ADRA1B: variants seen among roughly 807,000 people sequenced by gnomAD.
ADRA1B encodes adrenoceptor alpha 1B, also known as alpha-1B adrenergic receptor.
ADRA1B carries 17 observed loss-of-function variants against 17.9 expected under a neutral mutation model. That is an observed-to-expected ratio of 0.95 (90% CI 0.65 to 1.42). The LOEUF is 1.42. Among genes scored for constraint, ADRA1B ranks in the 40% most tolerant of loss-of-function variants. The pLI is 0.00. For synonymous variants in ADRA1B, 366 were observed against 327.6 expected, an observed-to-expected ratio of 1.12 and a Z score of -1.27; for missense variants, 681 against 722.1, an observed-to-expected ratio of 0.94 and a Z score of 0.65.
chr5:159,939,320 T>TGCGCGCGCGC (rs1170671488), intron 1 of ADRA1B, among the ~76,000 whole-genome samples: 24 of 108,168 alleles, frequency 2.2e-4, no homozygotes, highest in East Asian at 8.5e-4. Flanking sequence ...TGTGTGTGTG[T>TGCGCGCGCGC]GTGCGCGCGC....
chr5:159,887,505 C>T (rs1753938219), intron 1 of ADRA1B, among the ~76,000 whole-genome samples: 1 of 152,172 alleles, frequency 6.6e-6, no homozygotes, highest in Non-Finnish European at 1.5e-5. Flanking sequence ...TGTGGTGTGG[C>T]TATCCAGTTG....
At chr5:159,929,552 A>G (rs1754745027) in intron 1 of ADRA1B, among the ~76,000 whole-genome samples, 2 of 151,706 alleles carry the variant, frequency 1.3e-5, no homozygotes, top group South Asian at 4.2e-4. Flanking sequence ...ACAAAGATGT[A>G]CTTCAGGATA....
chr5:159,893,844 C>G (rs887007044), intron 1 of ADRA1B, among the ~76,000 whole-genome samples: 1 of 152,134 alleles, frequency 6.6e-6, no homozygotes, highest in African/African-American at 2.4e-5. Context: ...GCAAGTTTTT[C>G]CCACAGTTCA....
chr5:159,969,518 ACT>A (rs1345431263), intron 1 of ADRA1B, among the ~76,000 whole-genome samples: 5 of 152,178 alleles, frequency 3.3e-5, no homozygotes, highest in African/African-American at 9.7e-5. Flanking sequence ...ATTTCCAGCT[ACT>A]CTCTAGGTCT....
At chr5:159,947,872 A>G in intron 1 of ADRA1B, 1 of 985,450 alleles carries the variant, frequency 1.0e-6, no homozygotes. Flanking sequence ...ACAAAAATTT[A>G]GCTTAACCAC....
At chr5:159,939,361 G>A (rs982162714) in intron 1 of ADRA1B, among the ~76,000 whole-genome samples, 1 of 150,496 alleles carries the variant, frequency 6.6e-6, no homozygotes, top group Non-Finnish European at 1.5e-5. Context: ...GGATAGTTCA[G>A]CCCAAGGTAA....
At chr5:159,899,055 T>C (rs1164103501) in intron 1 of ADRA1B, among the ~76,000 whole-genome samples, 7 of 151,666 alleles carry the variant, frequency 4.6e-5, no homozygotes, top group Non-Finnish European at 1.5e-5. Flanking sequence ...GCTGAAGCAG[T>C]AAGATTGCTT....
chr5:159,974,374 G>A (rs1222066010), downstream of ADRA1B, among the ~76,000 whole-genome samples: 1 of 152,194 alleles, frequency 6.6e-6, no homozygotes, highest in Non-Finnish European at 1.5e-5. Flanking sequence ...AGTGGCTCAC[G>A]CCTGTATCCC....
intron 1 of ADRA1B, among the ~76,000 whole-genome samples, chr5:159,942,482 A>G (rs1467343426): frequency 6.6e-6 from 1 of 152,226 alleles, no homozygotes; most frequent in East Asian, 1.9e-4. Flanking sequence ...TACAGCAGTT[A>G]GAAGGAATGA....
intron 1 of ADRA1B, among the ~76,000 whole-genome samples, chr5:159,968,948 G>A (rs1188359964): frequency 1.3e-5 from 2 of 152,272 alleles, no homozygotes; most frequent in South Asian, 2.1e-4. Flanking sequence ...CAGACTCAGT[G>A]ACAGAAATAA....
At chr5:159,908,843 GCGCTC>G (rs1554088732) in intron 1 of ADRA1B, among the ~76,000 whole-genome samples, 1 of 152,182 alleles carries the variant, frequency 6.6e-6, no homozygotes, top group Non-Finnish European at 1.5e-5. Context: ...TAAGTGGGTA[GCGCTC>G]CAAAGGGCAG....
chr5:159,874,291 T>C (rs1278283540), intron 1 of ADRA1B, among the ~76,000 whole-genome samples: 1 of 152,154 alleles, frequency 6.6e-6, no homozygotes, highest in East Asian at 1.9e-4. Context: ...ACCACCAACA[T>C]ACACATATTT....
intron 1 of ADRA1B, among the ~76,000 whole-genome samples, chr5:159,942,352 T>G (rs1755158697): frequency 6.6e-6 from 1 of 152,204 alleles, no homozygotes. Context: ...GTATGGGAAT[T>G]ATATAGCTCA....
intron 1 of ADRA1B, chr5:159,865,286 T>G (rs758049648): frequency 6.6e-6 from 1 of 152,266 alleles, no homozygotes; most frequent in East Asian, 1.9e-4. Context: ...TAAGTTTGGC[T>G]CAATCACTTG....
intron 1 of ADRA1B, among the ~76,000 whole-genome samples, chr5:159,957,062 G>A (rs1484119412): frequency 3.3e-5 from 5 of 152,064 alleles, no homozygotes; most frequent in African/African-American, 7.2e-5. Context: ...AGTAGAGATG[G>A]GGTTTCACCA....
In ADRA1B at chr5:159,907,955, T is replaced by TCACACA. The variant is rs371637793; in HGVS notation, c.-255-8139_-255-8134dup. 5.3e-3 allele frequency among the ~76,000 whole-genome samples: 782 copies of TCACACA among 147,004 alleles called. 5 individuals carry two copies. The highest frequency in any genetic ancestry group is 0.01 in the African/African-American group (407 of 39,984). ...TTTGTTCTCTCTCTCTCTCTCTCTG[T>TCACACA]CACACACACACACACACACACACAC... On this transcript the variant is annotated intron_variant, in intron 1 of 2. Coordinates refer to the ADRA1B transcript ENST00000641205.
chr5:159,923,365 C>A (rs1754544109), intron 1 of ADRA1B, among the ~76,000 whole-genome samples: 1 of 152,250 alleles, frequency 6.6e-6, no homozygotes, highest in South Asian at 2.1e-4. Flanking sequence ...GGAGGCTTTG[C>A]AGTGGCAGTG....
chr5:159,878,445 A>G (rs796469096), intron 1 of ADRA1B, among the ~76,000 whole-genome samples: 57 of 152,260 alleles, frequency 3.7e-4, no homozygotes, highest in African/African-American at 1.4e-3. Flanking sequence ...GAGCCAATAA[A>G]CCAGACCATC....
At position 159,971,963 on chromosome 5, in the gene ADRA1B, C is replaced by G. The variant is rs1213004110; in HGVS notation, c.1034C>G (p.Pro345Arg). ...GGCTACTTCAACAGCTGCCTCAACC[C>G]CATCATCTACCCATGCTCCAGCAAG... ...WLGYFNSCLN[P>R]IIYPCSSKEF... Residue 345 changes from proline to arginine, a missense_variant, in exon 2 of 2, where the codon CCC (proline) becomes CGC (arginine). Pro to Arg is a moderately radical substitution (Grantham distance 103). Coordinates refer to ENST00000306675, the MANE Select transcript of ADRA1B (RefSeq NM_000679.4). The G allele has an allele frequency of 6.8e-7, 1 of 1,473,314 alleles. No individual in the cohort carries two copies. Among genetic ancestry groups the G allele is most frequent in the Non-Finnish European group, 9.0e-7 (1 of 1,105,098 alleles). The allele number at this position is 1,473,314 out of a possible 1,614,324, so 91.3% of individuals were successfully genotyped here. A position where few individuals can be genotyped will look rare whatever the true frequency, so the allele number is the denominator to read the frequency against.
Sources: gnomAD v4.1 joint callset for allele counts (sites outside exome capture counted in the v4.1 genomes callset) on GRCh38, gnomAD v4.1.1 for gene constraint, MANE v1.5 for transcripts, NCBI Gene and HGNC (gene_info 2026-07-23, HGNC 2026-07-21) for gene names.